Variants in HSD17B14 observed in about 807,000 individuals in gnomAD.
HSD17B14 encodes the protein L-fucose dehydrogenase.
Under a neutral mutation model 32.2 loss-of-function variants are expected in HSD17B14, and 32 were observed. That is an observed-to-expected ratio of 0.99 (90% confidence interval 0.75 to 1.33). The LOEUF (loss-of-function observed/expected upper bound fraction) is 1.33. Among genes scored for constraint, HSD17B14 ranks in the 40% most tolerant of loss-of-function variants. HSD17B14 has a pLI of 0.00. For missense variants in HSD17B14, 370 were observed against 366.5 expected (o/e 1.01, Z -0.08); for synonymous variants, 140 against 155.4 (o/e 0.90, Z 0.74).
rs746321048 is a variant in HSD17B14 at position 48,813,742 on chromosome 19, G to A, written c.475-12C>T. 2.5e-6 allele frequency: 4 copies of A among 1,614,196 alleles called. No individual in the cohort carries two copies. Among genetic ancestry groups the A allele is most frequent in the Non-Finnish European group, 3.4e-6 (4 of 1,180,018 alleles). ...GCTGTTACTGCCCCCTGCAGGAAATGGAGCGGGGAAGAAAGTTCAGTCCCC... is the reference window on the plus strand; with the variant it reads ...GCTGTTACTGCCCCCTGCAGGAAATAGAGCGGGGAAGAAAGTTCAGTCCCC... On this transcript the variant is annotated splice_polypyrimidine_tract_variant and intron_variant, in intron 6 of 8. Coordinates refer to ENST00000263278, the MANE Select transcript of HSD17B14 (RefSeq NM_016246.3).
chr19:48,834,538 C>T (rs1474227555), intron 2 of HSD17B14, among the ~76,000 whole-genome samples, 180 bp from the exon 3 acceptor site: 8 of 88,690 alleles, frequency 9.0e-5, no homozygotes, highest in Admixed American at 5.3e-4. Context: ...GGCCTGGACT[C>T]CTGGGTCTGA....
chr19:48,818,049 C>G (rs1451903169), intron 5 of HSD17B14, among the ~76,000 whole-genome samples: 1 of 152,152 alleles, frequency 6.6e-6, no homozygotes, highest in Non-Finnish European at 1.5e-5. Context: ...CAGTGGCTCA[C>G]ACCTGTAATC....
intron 2 of HSD17B14, 40 bp from the exon 3 acceptor site, chr19:48,834,398 C>T: frequency 7.5e-7 from 1 of 1,332,778 alleles, no homozygotes. Flanking sequence ...ACCCCTGGGT[C>T]TCAGGGAGGA....
Position 48,836,478 on chromosome 19 carries a change from C to T in HSD17B14, c.-67G>A, listed in dbSNP as rs965563858. The T allele has an allele frequency of 5.2e-6, 8 of 1,527,458 alleles. No individual in the cohort carries two copies. Among genetic ancestry groups the T allele is most frequent in the South Asian group, 1.1e-5 (1 of 89,376 alleles). The allele number at this position is 1,527,458 out of a possible 1,614,324, so 94.6% of individuals were successfully genotyped here. On this transcript the variant is annotated 5_prime_UTR_variant, in exon 1 of 9. Transcript: ENST00000263278. ...TTTCACCTCCAAAGCCCCGTGAGGC[C>T]GTCGCATCAAATCCTCAATAGAGGC...
At chr19:48,829,635 CTTTTTT>C (rs34096239) in intron 5 of HSD17B14, among the ~76,000 whole-genome samples, 4 of 76,088 alleles carry the variant, frequency 5.3e-5, no homozygotes, top group Non-Finnish European at 7.1e-5. Context: ...CCAGGCCTGG[CTTTTTT>C]TTTTTTTTTT....
At chr19:48,825,889 C>T (rs968950765) in intron 5 of HSD17B14, among the ~76,000 whole-genome samples, 58 of 152,056 alleles carry the variant, frequency 3.8e-4, no homozygotes, top group African/African-American at 1.4e-3. Context: ...GGCGCGATCT[C>T]GGCTCACTGC....
At chr19:48,832,762 T>A (rs754428235) in intron 3 of HSD17B14, 30 bp from the exon 4 acceptor site, 1 of 1,588,860 alleles carries the variant, frequency 6.3e-7, no homozygotes, top group Non-Finnish European at 8.6e-7. Flanking sequence ...CCTTTGTTTT[T>A]TTTTTTTGGA....
At position 48,815,073 on chromosome 19, in the gene HSD17B14, G is replaced by T; in HGVS notation, c.438C>A (p.Ile146=). Reference sequence around the variant, plus strand: ...CATAGGGAACTGCCTGGGCCTGGCCGATTGCCCCCACCAGGCTGGAGATGT... The same window carrying T: ...CATAGGGAACTGCCTGGGCCTGGCCTATTGCCCCCACCAGGCTGGAGATGT... ...VINISSLVGA[I]GQAQAVPYVA... The change falls in exon 6 of 9, where the codon ATC becomes ATA. Residue 146 remains isoleucine (I), a synonymous_variant. Coordinates refer to ENST00000263278, the MANE Select transcript of HSD17B14 (RefSeq NM_016246.3). The T allele has an allele frequency of 6.2e-7, 1 of 1,613,932 alleles. No homozygotes were observed. Among genetic ancestry groups the T allele is most frequent in the Non-Finnish European group, 8.5e-7 (1 of 1,179,940 alleles).
intron 5 of HSD17B14, among the ~76,000 whole-genome samples, chr19:48,827,912 T>C (rs549764356): frequency 3.3e-5 from 5 of 149,510 alleles, no homozygotes; most frequent in Non-Finnish European, 5.9e-5. Context: ...TGGAGTGCAG[T>C]GATGCAATCT....
chr19:48,829,353 AT>A (rs546991480), intron 5 of HSD17B14, among the ~76,000 whole-genome samples: 237 of 138,348 alleles, frequency 1.7e-3, no homozygotes, highest in East Asian at 4.5e-3. Flanking sequence ...TACTCAGCTA[AT>A]TTTTTTTTTT....
chr19:48,836,260 A>G, intron 1 of HSD17B14, 64 bp downstream of exon 1: 2 of 1,184,108 alleles, frequency 1.7e-6, no homozygotes, highest in Non-Finnish European at 2.4e-6. Context: ...TTCCGCCCCC[A>G]TCACCCCGCC....
chr19:48,831,741 G>A lies in HSD17B14; in HGVS notation c.296C>T (p.Pro99Leu), dbSNP rs746965113. The change falls in exon 5 of 9, where the codon CCT becomes CTT. Residue 99 changes from proline (P) to leucine (L), a missense_variant. By Grantham distance (98) the Pro-to-Leu change is moderately conservative. Coordinates refer to ENST00000263278, the MANE Select transcript of HSD17B14 (RefSeq NM_016246.3). ...GAATCCCTGGGCAGAGGTCTCCTCA[G>A]GCCTCTGTGGGGGTGGGTCTAAAGT... ...NAGHHPPPQR[P>L]EETSAQGFRQ... is the part of the protein sequence containing the mutation. 1.4e-5 allele frequency: 22 copies of A among 1,612,774 alleles called. No homozygotes were observed. The highest frequency in any genetic ancestry group is 1.8e-5 in the Non-Finnish European group (21 of 1,179,168).
chr19:48,825,212 T>C (rs1370222111), intron 5 of HSD17B14, among the ~76,000 whole-genome samples: 2 of 124,524 alleles, frequency 1.6e-5, no homozygotes, highest in South Asian at 4.9e-4. Context: ...CACTCCAGCC[T>C]GGGCGATAGA....
At chr19:48,823,489 A>C (rs2035192794) in intron 5 of HSD17B14, among the ~76,000 whole-genome samples, 1 of 152,100 alleles carries the variant, frequency 6.6e-6, no homozygotes, top group South Asian at 2.1e-4. Flanking sequence ...TTGTGTCGTA[A>C]TATACTTTAT....
Position 48,813,660 on chromosome 19 carries a change from C to G in HSD17B14, c.542+3G>C. 1 of 1,614,192 alleles carries G rather than the reference C, an allele frequency of 6.2e-7. No homozygotes were observed. The highest frequency in any genetic ancestry group is 8.5e-7 in the Non-Finnish European group (1 of 1,180,022). On this transcript the variant is annotated splice_donor_region_variant and intron_variant, in intron 7 of 8. Transcript: ENST00000263278. ...GGCTCTCCGCCTGCTCAGAGCAGCTCACCAGTTGACTCGGACACCATATGG... is the reference window on the plus strand; with the variant it reads ...GGCTCTCCGCCTGCTCAGAGCAGCTGACCAGTTGACTCGGACACCATATGG...
chr19:48,822,592 T>C (rs1249530725), intron 5 of HSD17B14, among the ~76,000 whole-genome samples: 2 of 150,546 alleles, frequency 1.3e-5, no homozygotes, highest in African/African-American at 4.9e-5. Context: ...GTGATGATGA[T>C]GAGGATGGTG....
At chr19:48,826,522 G>A (rs1209741186) in intron 5 of HSD17B14, among the ~76,000 whole-genome samples, 12 of 2,710 alleles carry the variant, frequency 4.4e-3, no homozygotes, top group Non-Finnish European at 5.1e-3. Context: ...TAAAAGAAAA[G>A]AAGAAAATAT....
Position 48,836,386 on chromosome 19 carries a change from C to A in HSD17B14, c.26G>T (p.Gly9Val). The change falls in exon 1 of 9, where the codon GGG becomes GTG. Residue 9 changes from glycine to valine, a missense_variant. Gly to Val is a moderately radical substitution (Grantham distance 109). Coordinates refer to ENST00000263278, the MANE Select transcript of HSD17B14 (RefSeq NM_016246.3). MATGTRYA[G>V]KVVVVTGGGR... ...GCCCCCGGTCACGACCACCACCTTC[C>A]CGGCATAGCGCGTTCCCGTAGCCAT... The A allele has an allele frequency of 6.2e-7, 1 of 1,613,930 alleles. No homozygotes were observed. Among genetic ancestry groups the A allele is most frequent in the Non-Finnish European group, 8.5e-7 (1 of 1,179,994 alleles).
chr19:48,816,037 A>G (rs966427503), intron 5 of HSD17B14, among the ~76,000 whole-genome samples: 5 of 151,508 alleles, frequency 3.3e-5, no homozygotes, highest in Admixed American at 6.6e-5. Context: ...AAAAAAAAAA[A>G]AAAAAAGAAA....
Sources: gnomAD v4.1 joint callset for allele counts (sites outside exome capture counted in the v4.1 genomes callset) on GRCh38, gnomAD v4.1.1 for gene constraint, MANE v1.5 for transcripts, NCBI Gene and HGNC (gene_info 2026-07-23, HGNC 2026-07-21) for gene names.